The following KCNH1 variants were observed in gnomAD, a reference collection of about 807,000 sequenced individuals.
KCNH1 encodes potassium voltage-gated channel subfamily H member 1, also known as voltage-gated delayed rectifier potassium channel KCNH1.
A neutral mutation model predicts 69.2 loss-of-function variants in KCNH1; 27 were observed. That is an observed-to-expected ratio of 0.39 (90% CI 0.29 to 0.54). The LOEUF (loss-of-function observed/expected upper bound fraction) is 0.54. Ranked by LOEUF, KCNH1 falls within the 20% of genes least tolerant of loss-of-function variation. The probability of loss-of-function intolerance (pLI) is 0.68; values close to 1 mark genes in which losing one functional copy is unlikely to be tolerated. For missense variants in KCNH1, 798 were observed against 1,261.6 expected (o/e 0.63, Z 5.57); for synonymous variants, 456 against 487.7 (o/e 0.93, Z 0.86).
At chr1:210,729,549 G>A (rs1682691495) in intron 10 of KCNH1, among the ~76,000 whole-genome samples, 1 of 152,164 alleles carries the variant, frequency 6.6e-6, no homozygotes, top group African/African-American at 2.4e-5. Context: ...AGTAAGAATG[G>A]CATTATTATA....
intron 7 of KCNH1, among the ~76,000 whole-genome samples, chr1:210,815,866 G>A (rs1055377325): frequency 2.6e-5 from 4 of 152,180 alleles, no homozygotes; most frequent in South Asian, 2.1e-4. Flanking sequence ...ATAAGGCACC[G>A]GAGGTAACAC....
At position 211,133,875 on chromosome 1, in the gene KCNH1, C is replaced by A; in HGVS notation, c.71G>T (p.Arg24Leu). The change falls in exon 1 of 11, where the codon CGG (arginine) becomes CTG (leucine). Residue 24 changes from arginine to leucine, a missense_variant. Arg to Leu is a moderately radical substitution (Grantham distance 102). Around this residue, in one of 4 missense-constraint regions of KCNH1, gnomAD observed 266 missense variants for 457.2 expected, o/e 0.58. Transcript: ENST00000271751. This position sits in a 1 kb window ranked among gnomAD's most constrained non-coding sequence, Gnocchi z 5.4. The stretch of plus-strand genomic sequence containing the variant: ...CCGAATGCACCTCTTACCATTGGAC[C>A]GCCGAACAATATTCTCCAGAAACGT... ...QNTFLENIVR[R>L]SNDTNFVLGN... 6.2e-7 allele frequency: 1 copy of A among 1,610,186 alleles called. No individual in the cohort carries two copies. Among genetic ancestry groups the A allele is most frequent in the Non-Finnish European group, 8.5e-7 (1 of 1,178,406 alleles).
At chr1:210,991,868 A>G (rs1177672508) in intron 6 of KCNH1, among the ~76,000 whole-genome samples, 1 of 152,194 alleles carries the variant, frequency 6.6e-6, no homozygotes, top group Non-Finnish European at 1.5e-5. Flanking sequence ...AGCTGGCTTT[A>G]ATGTAAAATC....
chr1:210,949,085 T>C (rs995365148), intron 6 of KCNH1, among the ~76,000 whole-genome samples: 83 of 152,188 alleles, frequency 5.5e-4, no homozygotes, highest in Admixed American at 2.6e-4. Flanking sequence ...GAGTGATATG[T>C]AATGAACAAT....
chr1:210,837,511 G>C (rs941954083), intron 7 of KCNH1, among the ~76,000 whole-genome samples: 11 of 152,160 alleles, frequency 7.2e-5, no homozygotes, highest in Non-Finnish European at 1.6e-4. Flanking sequence ...ATGACAAAGA[G>C]AGAAAATCCA....
chr1:211,016,642 C>T (rs992853969), intron 6 of KCNH1, among the ~76,000 whole-genome samples: 2 of 152,050 alleles, frequency 1.3e-5, no homozygotes, highest in Non-Finnish European at 2.9e-5. Context: ...GGAGTGGTGG[C>T]TCACACCTGT....
intron 9 of KCNH1, among the ~76,000 whole-genome samples, chr1:210,788,923 CCTGACCTCGTG>C (rs1684162049): frequency 6.6e-6 from 1 of 151,564 alleles, no homozygotes; most frequent in African/African-American, 2.4e-5. Context: ...GTCTCGATCT[CCTGACCTCGTG>C]ATCCGCCCGC....
chr1:210,719,270 C>T (rs983476886), intron 10 of KCNH1, among the ~76,000 whole-genome samples: 5 of 151,972 alleles, frequency 3.3e-5, no homozygotes, highest in Non-Finnish European at 5.9e-5. Context: ...CGGAATCAAC[C>T]CCTGAGAAAC....
chr1:210,782,044 T>C (rs1683997233), intron 9 of KCNH1, among the ~76,000 whole-genome samples: 3 of 152,110 alleles, frequency 2.0e-5, no homozygotes, highest in Non-Finnish European at 4.4e-5. Context: ...TGCTCATCCT[T>C]CAAAATATGC....
chr1:210,685,943 G>T (rs1681399878), intron 10 of KCNH1, among the ~76,000 whole-genome samples: 2 of 152,222 alleles, frequency 1.3e-5, no homozygotes, highest in Non-Finnish European at 2.9e-5. Flanking sequence ...TAAAGTTTCT[G>T]TCACTGGCTG....
rs1558496339 is a variant in KCNH1, at chr1:210,850,029, C to T, written c.1463-45863G>A. ...GTGGGGAAAAAAAAGAAAATTTTAG[C>T]ATCTCCTTCGTGACCAAAATTATCA... On this transcript the variant is annotated intron_variant, in intron 7 of 10. Coordinates refer to ENST00000271751, the MANE Select transcript of KCNH1 (RefSeq NM_172362.3). Among the ~76,000 whole-genome samples the T allele has an allele frequency of 2.6e-5, 4 of 152,056 alleles. No individual in the cohort carries two copies. The South Asian group carries it at 6.3e-4, about 24-fold the overall frequency.
At chr1:210,960,644 A>C (rs999607150) in intron 6 of KCNH1, among the ~76,000 whole-genome samples, 2 of 152,216 alleles carry the variant, frequency 1.3e-5, no homozygotes, top group Non-Finnish European at 2.9e-5. Flanking sequence ...AATGCATCAC[A>C]ATATACTTAC....
chr1:211,029,452 T>G (rs1689743624), intron 5 of KCNH1, among the ~76,000 whole-genome samples: 1 of 134,128 alleles, frequency 7.5e-6, no homozygotes, highest in Non-Finnish European at 1.6e-5. Flanking sequence ...AAAAAAACAC[T>G]CTTATCAATT....
chr1:211,086,617 T>C (rs1690956836), intron 4 of KCNH1, among the ~76,000 whole-genome samples: 1 of 152,162 alleles, frequency 6.6e-6, no homozygotes, highest in Non-Finnish European at 1.5e-5. Context: ...CTGGGTCTTT[T>C]CTCCATTCTC....
chr1:210,807,499 C>T (rs774052439), intron 7 of KCNH1, among the ~76,000 whole-genome samples: 2 of 151,970 alleles, frequency 1.3e-5, no homozygotes, highest in Non-Finnish European at 2.9e-5. Flanking sequence ...GTAGTCCCAG[C>T]AACTTGGAAG....
intron 2 of KCNH1, among the ~76,000 whole-genome samples, chr1:211,105,175 T>C (rs1691328950): frequency 6.6e-6 from 1 of 152,222 alleles, no homozygotes; most frequent in Admixed American, 6.5e-5. Flanking sequence ...AACGGAAAAC[T>C]GAGCTTGTTA....
At chr1:210,686,730 G>A (rs1164729365) in intron 10 of KCNH1, among the ~76,000 whole-genome samples, 2 of 152,154 alleles carry the variant, frequency 1.3e-5, no homozygotes, top group Non-Finnish European at 2.9e-5. Context: ...ACTTGAGCAA[G>A]TTTGGGTGAG....
intron 10 of KCNH1, among the ~76,000 whole-genome samples, chr1:210,691,971 A>C (rs1681536958): frequency 6.6e-6 from 1 of 152,216 alleles, no homozygotes; most frequent in African/African-American, 2.4e-5. Context: ...TAGGAGGAGT[A>C]GGAATGCACA....
chr1:210,712,304 A>T (rs896532368), intron 10 of KCNH1, among the ~76,000 whole-genome samples: 1 of 152,206 alleles, frequency 6.6e-6, no homozygotes, highest in Non-Finnish European at 1.5e-5. Flanking sequence ...GGCAAGGGTC[A>T]TTGAGCCCAT....
Sources: gnomAD v4.1 joint callset for allele counts (sites outside exome capture counted in the v4.1 genomes callset) on GRCh38, gnomAD v4.1.1 for gene constraint, gnomAD v4.1.1 regional missense constraint, Gnocchi (gnomAD v3.1) non-coding constraint, MANE v1.5 for transcripts, NCBI Gene and HGNC (gene_info 2026-07-23, HGNC 2026-07-21) for gene names.